Variants in LRGUK observed in about 807,000 individuals in gnomAD.
LRGUK encodes leucine rich repeats and guanylate kinase domain containing, also known as leucine-rich repeat and guanylate kinase domain-containing protein.
LRGUK carries 65 observed loss-of-function variants against 76.0 expected under a neutral mutation model. That is an observed-to-expected ratio of 0.85 (90% CI 0.70 to 1.05). The LOEUF is 1.05. LRGUK is among the 50% of genes least tolerant of loss of function. The pLI is 0.00. For missense variants in LRGUK, 758 were observed against 732.8 expected (o/e 1.03, Z -0.40); for synonymous variants, 268 against 265.6 (o/e 1.01, Z -0.09).
intron 11 of LRGUK, among the ~76,000 whole-genome samples, chr7:134,187,558 G>T (rs1378378439): frequency 6.6e-6 from 1 of 152,206 alleles, no homozygotes; most frequent in African/African-American, 2.4e-5. Flanking sequence ...GCGGCTGAGA[G>T]ATTTTGCTGT....
chr7:134,185,341 A>G (rs1244070806), intron 11 of LRGUK, among the ~76,000 whole-genome samples: 2 of 152,022 alleles, frequency 1.3e-5, no homozygotes, highest in Non-Finnish European at 2.9e-5. Context: ...TGGGCGGATC[A>G]CTTGAAGCCA....
intron 6 of LRGUK, among the ~76,000 whole-genome samples, chr7:134,162,863 A>G (rs1798807636): frequency 6.6e-6 from 1 of 150,940 alleles, no homozygotes; most frequent in African/African-American, 2.4e-5. Context: ...AGTGGACAGA[A>G]CTGCCCAAGG....
At chr7:134,246,880 A>T (rs1257172055) in intron 16 of LRGUK, among the ~76,000 whole-genome samples, 1 of 152,232 alleles carries the variant, frequency 6.6e-6, no homozygotes, top group East Asian at 1.9e-4. Flanking sequence ...GAAATCCAGT[A>T]CCTGGACAGT....
intron 7 of LRGUK, among the ~76,000 whole-genome samples, chr7:134,167,000 G>T (rs971273296): frequency 3.9e-5 from 6 of 152,168 alleles, no homozygotes; most frequent in Admixed American, 3.9e-4. Flanking sequence ...TAATGAGAAG[G>T]GTTGGACTGG....
chr7:134,209,365 G>A, exon 16 of LRGUK: 1 of 399,090 alleles, frequency 2.5e-6, no homozygotes, highest in Non-Finnish European at 4.4e-6. Context: ...CTGACTTGGT[G>A]CAGAAACTTG....
rs907507176 is a variant in LRGUK, at chr7:134,148,101, T to C, written c.589-137T>C. The C allele has an allele frequency of 9.9e-6, 6 of 606,586 alleles. No homozygotes were observed. The African/African-American group carries it at 1.2e-4, about 12-fold the overall frequency. The allele number at this position is 606,586 out of a possible 1,614,324, so 37.6% of individuals were successfully genotyped here. A position where few individuals can be genotyped will look rare whatever the true frequency, so the allele number is the denominator to read the frequency against. On this transcript the variant is annotated intron_variant, in intron 4 of 15. Coordinates refer to ENST00000645682, the Ensembl canonical transcript of LRGUK. Reference sequence around the variant, plus strand: ...AAAAAGATTAAAGACAGATGATTCTTTTAGCCTTAGTGTGTACTTTCAGTA... The same window carrying C: ...AAAAAGATTAAAGACAGATGATTCTCTTAGCCTTAGTGTGTACTTTCAGTA...
intron 16 of LRGUK, among the ~76,000 whole-genome samples, chr7:134,243,137 C>T (rs572108638): frequency 1.3e-5 from 2 of 152,234 alleles, no homozygotes; most frequent in African/African-American, 2.4e-5. Context: ...CCTTTGAGAA[C>T]TGGAATAAGA....
At chr7:134,202,196 T>A (rs550383716) in intron 15 of LRGUK, among the ~76,000 whole-genome samples, 1 of 152,252 alleles carries the variant, frequency 6.6e-6, no homozygotes, top group South Asian at 2.1e-4. Context: ...GTGCATTCCC[T>A]TGGAATCCAG....
intron 1 of LRGUK, among the ~76,000 whole-genome samples, chr7:134,134,843 A>T (rs980398012): frequency 6.6e-6 from 1 of 152,218 alleles, no homozygotes; most frequent in Non-Finnish European, 1.5e-5. Flanking sequence ...TTCTGACTTC[A>T]TCAATTAGTA....
intron 15 of LRGUK, among the ~76,000 whole-genome samples, chr7:134,221,047 ACTAT>A (rs1035676033): frequency 7.2e-5 from 11 of 152,254 alleles, no homozygotes; most frequent in African/African-American, 2.4e-4. Context: ...TTTCCGCCTT[ACTAT>A]CTATTAAAAA....
chr7:134,158,655 G>A (rs370063814), intron 6 of LRGUK, among the ~76,000 whole-genome samples: 53 of 152,176 alleles, frequency 3.5e-4, no homozygotes, highest in African/African-American at 1.2e-3. Context: ...ATCAAAAATA[G>A]TGCTAAGAAT....
At chr7:134,168,372 A>G (rs1799082095) in intron 7 of LRGUK, among the ~76,000 whole-genome samples, 2 of 152,150 alleles carry the variant, frequency 1.3e-5, no homozygotes, top group African/African-American at 4.8e-5. Flanking sequence ...TCTCTTATAA[A>G]AAAACAAAGA....
chr7:134,225,122 C>A (rs1585578265), intron 16 of LRGUK, among the ~76,000 whole-genome samples: 3 of 85,122 alleles, frequency 3.5e-5, no homozygotes, highest in African/African-American at 1.0e-4. Flanking sequence ...GGGAACAGAA[C>A]TGGAAAAAAA....
At chr7:134,200,233 A>T (rs397679) in intron 14 of LRGUK, among the ~76,000 whole-genome samples, 150,517 of 151,284 alleles carry the variant, frequency 0.99, 74,886 homozygotes, top group Middle Eastern at 1. Context: ...GACAGGGTTT[A>T]ACCATGTTGT....
chr7:134,216,697 T>C (rs1410162628), intron 15 of LRGUK, among the ~76,000 whole-genome samples: 1 of 152,138 alleles, frequency 6.6e-6, no homozygotes, highest in African/African-American at 2.4e-5. Context: ...GTCCAGATAG[T>C]AGATATTTTC....
rs1802362901 is a variant in LRGUK, at chr7:134,248,402, GA to G, written c.2073-547del. On this transcript the variant is annotated intron_variant, in intron 17 of 19. Transcript: ENST00000285928. ...ACATAGCAACTCTAGCAAGTCTGAA[GA>G]ACAGCAGGGTTTATTCACGAAAAAT... Among the ~76,000 whole-genome samples the G allele has an allele frequency of 3.3e-5, 5 of 152,322 alleles. No homozygotes were observed. In the South Asian group the frequency reaches 1.0e-3, roughly 32 times the overall value.
At chr7:134,207,836 G>C (rs2117114662) in intron 15 of LRGUK, among the ~76,000 whole-genome samples, 1 of 152,300 alleles carries the variant, frequency 6.6e-6, no homozygotes, top group South Asian at 2.1e-4. Context: ...TATGCCCTTA[G>C]GACTGGGGTA....
intron 15 of LRGUK, among the ~76,000 whole-genome samples, chr7:134,218,011 G>C (rs560396008): frequency 6.6e-6 from 1 of 152,144 alleles, no homozygotes; most frequent in Non-Finnish European, 1.5e-5. Context: ...CTGGAATCTA[G>C]AGTGCGGTGG....
At chr7:134,176,332 C>T (rs908956647) in intron 8 of LRGUK, among the ~76,000 whole-genome samples, 6 of 152,148 alleles carry the variant, frequency 3.9e-5, no homozygotes, top group African/African-American at 1.4e-4. Context: ...ACACCCTTAC[C>T]TATGTAAGAA....
Sources: allele counts gnomAD v4.1 joint callset (sites outside exome capture counted in the v4.1 genomes callset), GRCh38; gene constraint gnomAD v4.1.1; transcripts MANE v1.5; gene names NCBI Gene and HGNC (gene_info 2026-07-23, HGNC 2026-07-21).